Variants in CYP2C18 observed in about 807,000 individuals in gnomAD.
CYP2C18 encodes cytochrome P450 family 2 subfamily C member 18.
Under a neutral mutation model 41.3 loss-of-function variants are expected in CYP2C18, and 38 were observed. That is an observed-to-expected ratio of 0.92 (90% CI 0.71 to 1.21). CYP2C18 has a LOEUF of 1.21. Among genes scored for constraint, CYP2C18 ranks in the 50% most tolerant of loss-of-function variants. The pLI is 0.00. For missense variants in CYP2C18, 635 were observed against 591.4 expected, an observed-to-expected ratio of 1.07 and a Z score of -0.77; for synonymous variants, 236 against 210.0, an observed-to-expected ratio of 1.12 and a Z score of -1.07.
chr10:94,709,377 G>A (rs1589800051), intron 5 of CYP2C18, among the ~76,000 whole-genome samples: 1 of 152,032 alleles, frequency 6.6e-6, no homozygotes, highest in African/African-American at 2.4e-5. Flanking sequence ...ATTTTCTCTT[G>A]TGCTTACTGG....
intron 5 of CYP2C18, among the ~76,000 whole-genome samples, chr10:94,709,118 G>C (rs570540102): frequency 1.3e-5 from 2 of 152,254 alleles, no homozygotes; most frequent in Admixed American, 6.5e-5. Flanking sequence ...TACAGCAACT[G>C]TATGCTTAAT....
At chr10:94,721,553 T>C (rs1847645188) in intron 6 of CYP2C18, among the ~76,000 whole-genome samples, 1 of 151,882 alleles carries the variant, frequency 6.6e-6, no homozygotes, top group African/African-American at 2.4e-5. Flanking sequence ...AGTGTACCCT[T>C]CACCTGAATA....
At chr10:94,703,266 C>T (rs1847278573) in intron 4 of CYP2C18, among the ~76,000 whole-genome samples, 1 of 152,220 alleles carries the variant, frequency 6.6e-6, no homozygotes, top group Non-Finnish European at 1.5e-5. Context: ...GAGGGCTAGG[C>T]TGGGAGATCT....
intron 1 of CYP2C18, among the ~76,000 whole-genome samples, chr10:94,685,604 T>C (rs532320223): frequency 6.6e-6 from 1 of 152,316 alleles, no homozygotes; most frequent in African/African-American, 2.4e-5. Flanking sequence ...TCTCTTTTAT[T>C]CTTTGCATAT....
At position 94,688,209 on chromosome 10, in the gene CYP2C18, G is replaced by A. The variant is rs762865911; in HGVS notation, c.416G>A (p.Arg139Lys). 28 of 1,613,788 alleles carry A rather than the reference G, an allele frequency of 1.7e-5. No individual in the cohort carries two copies. Among genetic ancestry groups the A allele is most frequent in the Admixed American group, 8.3e-5 (5 of 59,972 alleles). The change falls in exon 3 of 9, where the codon AGG becomes AAG. Residue 139 changes from arginine to lysine, a missense_variant. By Grantham distance (26) the Arg-to-Lys change is conservative. Transcript: ENST00000285979. Reference sequence around the variant, plus strand: ...CTGCGGAATTTTGGGATGGGGAAGAGGAGCATCGAGGACCGTGTTCAAGAG... The same window carrying A: ...CTGCGGAATTTTGGGATGGGGAAGAAGAGCATCGAGGACCGTGTTCAAGAG... ...MTLRNFGMGK[R>K]SIEDRVQEEA...
chr10:94,694,839 A>C, intron 3 of CYP2C18, 78 bp from the exon 4 acceptor site: 7 of 1,488,724 alleles, frequency 4.7e-6, no homozygotes, highest in Non-Finnish European at 6.4e-6. Flanking sequence ...GTTTCTAAAA[A>C]TACTTTTTCC....
At chr10:94,701,902 C>T (rs1301938264) in intron 4 of CYP2C18, among the ~76,000 whole-genome samples, 1 of 152,126 alleles carries the variant, frequency 6.6e-6, no homozygotes, top group Non-Finnish European at 1.5e-5. Flanking sequence ...AAATTGCACT[C>T]ACTGGGCAGT....
intron 5 of CYP2C18, among the ~76,000 whole-genome samples, chr10:94,720,100 G>A (rs992147746): frequency 6.6e-6 from 1 of 152,072 alleles, no homozygotes; most frequent in African/African-American, 2.4e-5. Context: ...AGGAGAGAAA[G>A]TGCCATCAAC....
chr10:94,688,328 A>T, intron 3 of CYP2C18, 54 bp downstream of exon 3: 1 of 1,539,270 alleles, frequency 6.5e-7, no homozygotes, highest in Non-Finnish European at 8.7e-7. Context: ...ATTTTAATTT[A>T]TTTTTAGATT....
rs1458196572 is a variant in CYP2C18, at chr10:94,733,444, A to T, written c.1291+6A>T. 6.2e-7 allele frequency: 1 copy of T among 1,612,964 alleles called. No homozygotes were observed. The highest frequency in any genetic ancestry group is 1.1e-5 in the South Asian group (1 of 91,032). Reference sequence around the variant, plus strand: ...CTTCATGCCTTTCTCAGCAGGTAATAGATATTCATTTCCATCTGTCCTTCA... The same window carrying T: ...CTTCATGCCTTTCTCAGCAGGTAATTGATATTCATTTCCATCTGTCCTTCA... On this transcript the variant is annotated splice_donor_region_variant and intron_variant, in intron 8 of 8. Coordinates refer to ENST00000285979, the MANE Select transcript of CYP2C18 (RefSeq NM_000772.3).
chr10:94,721,792 G>A (rs574919664), intron 6 of CYP2C18, among the ~76,000 whole-genome samples: 8 of 152,052 alleles, frequency 5.3e-5, no homozygotes, highest in South Asian at 2.1e-4. Context: ...ACACGATTTC[G>A]TTCTTTTACA....
At chr10:94,699,750 C>T (rs1489082145) in intron 4 of CYP2C18, among the ~76,000 whole-genome samples, 2 of 152,190 alleles carry the variant, frequency 1.3e-5, no homozygotes, top group African/African-American at 4.8e-5. Context: ...CCCAAAATCT[C>T]CTTAAGCTGA....
At chr10:94,722,023 A>G (rs1315238959) in intron 6 of CYP2C18, among the ~76,000 whole-genome samples, 1 of 152,186 alleles carries the variant, frequency 6.6e-6, no homozygotes, top group Non-Finnish European at 1.5e-5. Flanking sequence ...ATAGATACCC[A>G]GTAGTGGGAT....
At chr10:94,684,808 A>G (rs556429448) in intron 1 of CYP2C18, among the ~76,000 whole-genome samples, 37 of 151,992 alleles carry the variant, frequency 2.4e-4, no homozygotes, top group African/African-American at 8.9e-4. Flanking sequence ...TAATTTACAT[A>G]CCCAAGGTTC....
At position 94,688,141 on chromosome 10, in the gene CYP2C18, T is replaced by C; in HGVS notation, c.348T>C (p.Asn116=). 1.2e-6 allele frequency: 2 copies of C among 1,613,518 alleles called. No homozygotes were observed. Among genetic ancestry groups the C allele is most frequent in the South Asian group, 2.2e-5 (2 of 91,050 alleles). The change falls in exon 3 of 9, where the codon AAT becomes AAC. Residue 116 remains asparagine (N), a synonymous_variant. Coordinates refer to ENST00000285979, the MANE Select transcript of CYP2C18 (RefSeq NM_000772.3). ...TTCTGCTAGGAATCCTTTTCAGCAA[T>C]GGAAAGAGATGGAAGGAGATCCGGC... ...VNKGLGILFS[N]GKRWKEIRRF...
chr10:94,724,141 A>G (rs889053402), intron 6 of CYP2C18, among the ~76,000 whole-genome samples: 5 of 151,766 alleles, frequency 3.3e-5, no homozygotes, highest in Non-Finnish European at 7.4e-5. Flanking sequence ...GTAGGTGGTT[A>G]CAGATTTATC....
chr10:94,732,212 A>G (rs1367817898), intron 7 of CYP2C18, among the ~76,000 whole-genome samples: 1 of 152,218 alleles, frequency 6.6e-6, no homozygotes, highest in Non-Finnish European at 1.5e-5. Flanking sequence ...CAATAAACAT[A>G]TGAAAAAATG....
intron 1 of CYP2C18, among the ~76,000 whole-genome samples, chr10:94,686,214 C>T (rs1329063548): frequency 6.6e-6 from 1 of 151,906 alleles, no homozygotes; most frequent in Non-Finnish European, 1.5e-5. Flanking sequence ...TATAAAAATG[C>T]CACTGATTTT....
intron 8 of CYP2C18, among the ~76,000 whole-genome samples, chr10:94,734,852 GA>G (rs1219840204): frequency 1.3e-5 from 2 of 151,948 alleles, no homozygotes; most frequent in Non-Finnish European, 2.9e-5. Flanking sequence ...AGTACACTAG[GA>G]AAAAAAATCT....
Sources: allele counts gnomAD v4.1 joint callset (sites outside exome capture counted in the v4.1 genomes callset), GRCh38; gene constraint gnomAD v4.1.1; transcripts MANE v1.5; gene names NCBI Gene and HGNC (gene_info 2026-07-23, HGNC 2026-07-21).